ZNF704: variants seen among roughly 807,000 people sequenced by gnomAD.
ZNF704 encodes zinc finger protein 704, also known as glucocorticoid induced gene 1.
In ZNF704, 10 loss-of-function variants were observed where a neutral mutation model predicts 44.7. That is an observed-to-expected ratio of 0.22 (90% CI 0.14 to 0.38). The LOEUF (loss-of-function observed/expected upper bound fraction) is 0.38. Among genes scored for constraint, ZNF704 ranks in the 10% least tolerant of loss-of-function variants. The probability of loss-of-function intolerance (pLI) is 1.00; values close to 1 mark genes in which losing one functional copy is unlikely to be tolerated. For synonymous variants in ZNF704, 211 were observed against 207.6 expected, an observed-to-expected ratio of 1.02 and a Z score of -0.14; for missense variants, 390 against 545.5, an observed-to-expected ratio of 0.71 and a Z score of 2.84.
At chr8:80,771,337 A>G (rs1210801494) in intron 2 of ZNF704, among the ~76,000 whole-genome samples, 1 of 152,156 alleles carries the variant, frequency 6.6e-6, no homozygotes, top group Non-Finnish European at 1.5e-5. Flanking sequence ...ATCCATAAAC[A>G]TGGTATGTCT....
chr8:80,840,039 G>A (rs138829472), intron 1 of ZNF704, among the ~76,000 whole-genome samples: 325 of 152,294 alleles, frequency 2.1e-3, no homozygotes, highest in Admixed American at 4.3e-3. Context: ...CCAGGCACCT[G>A]CTATATTTTT....
chr8:80,855,554 T>A (rs1054870322), intron 1 of ZNF704, among the ~76,000 whole-genome samples: 22 of 152,084 alleles, frequency 1.4e-4, no homozygotes, highest in African/African-American at 5.1e-4. Context: ...CACTTATAAG[T>A]GAGAGCTAAA....
intron 2 of ZNF704, among the ~76,000 whole-genome samples, chr8:80,738,566 CAG>C (rs993741849): frequency 2.1e-5 from 3 of 144,410 alleles, no homozygotes; most frequent in African/African-American, 8.7e-5. Flanking sequence ...GGTTTGACTC[CAG>C]AGTCTTTTTT....
chr8:80,836,672 C>A (rs1457294607), intron 1 of ZNF704, among the ~76,000 whole-genome samples: 1 of 152,058 alleles, frequency 6.6e-6, no homozygotes, highest in Admixed American at 6.5e-5. Context: ...TTAGTCCCAG[C>A]TACTCGGGAG....
At chr8:80,718,827 T>C (rs1819115994) in intron 2 of ZNF704, among the ~76,000 whole-genome samples, 1 of 152,228 alleles carries the variant, frequency 6.6e-6, no homozygotes, top group African/African-American at 2.4e-5. Flanking sequence ...TACAGTTTTG[T>C]ATTTTAGTTT....
chr8:80,755,128 T>C (rs1429028910), intron 2 of ZNF704, among the ~76,000 whole-genome samples: 1 of 152,134 alleles, frequency 6.6e-6, no homozygotes, highest in Non-Finnish European at 1.5e-5. Context: ...ACTTCCAGGA[T>C]ATATCCAGGA....
chr8:80,828,591 A>T (rs1422959236), intron 1 of ZNF704, among the ~76,000 whole-genome samples: 1 of 152,194 alleles, frequency 6.6e-6, no homozygotes, highest in Non-Finnish European at 1.5e-5. Flanking sequence ...TCTCCCATTT[A>T]AATAGAATAC....
intron 7 of ZNF704, 67 bp from the exon 8 acceptor site, chr8:80,643,196 GCTGTGTGGACA>G (rs1441211209): frequency 7.5e-6 from 9 of 1,200,012 alleles, no homozygotes; most frequent in Non-Finnish European, 9.5e-6. Context: ...GTTAACCTTT[GCTGTGTGGACA>G]CTGATCCTTG....
At chr8:80,642,482 C>A (rs1817759485) in intron 8 of ZNF704, among the ~76,000 whole-genome samples, 1 of 152,084 alleles carries the variant, frequency 6.6e-6, no homozygotes, top group African/African-American at 2.4e-5. Flanking sequence ...AAAGGGATAA[C>A]ATACATCGCA....
At chr8:80,701,265 G>A (rs1166768058) in intron 2 of ZNF704, among the ~76,000 whole-genome samples, 1 of 151,936 alleles carries the variant, frequency 6.6e-6, no homozygotes, top group African/African-American at 2.4e-5. Context: ...GCCTCAGCAG[G>A]CCCTTCACCC....
intron 2 of ZNF704, among the ~76,000 whole-genome samples, chr8:80,779,788 CT>C (rs1306058807): frequency 1.3e-5 from 2 of 151,684 alleles, no homozygotes; most frequent in African/African-American, 2.4e-5. Flanking sequence ...GGATAACCGT[CT>C]TTTTTAAAAG....
intron 8 of ZNF704, among the ~76,000 whole-genome samples, chr8:80,641,945 C>T (rs1817751406): frequency 1.3e-5 from 2 of 152,212 alleles, no homozygotes; most frequent in South Asian, 4.1e-4. Flanking sequence ...TTCTATTTGT[C>T]TACTTGTGGA....
rs544968315 is a variant in ZNF704, at chr8:80,664,668, T to C, written c.927+147A>G. On this transcript the variant is annotated intron_variant, in intron 6 of 8. Transcript: ENST00000327835. The stretch of plus-strand genomic sequence containing the variant: ...ATAGGACCCTATCTGTGTGAGATCT[T>C]AGGCTTTAAAGGGAGAAAAATCAAA... The C allele has an allele frequency of 3.8e-5, 36 of 946,228 alleles. No homozygotes were observed. In the South Asian group the frequency reaches 5.3e-4, roughly 14 times the overall value. The allele number at this position is 946,228 out of a possible 1,614,324, so 58.6% of individuals were successfully genotyped here. A position where few individuals can be genotyped will look rare whatever the true frequency, so the allele number is the denominator to read the frequency against.
chr8:80,853,122 T>C (rs142479241), intron 1 of ZNF704, among the ~76,000 whole-genome samples: 13 of 152,276 alleles, frequency 8.5e-5, no homozygotes, highest in East Asian at 5.8e-4. Context: ...CCCCAACACG[T>C]TGGGAAGCTG....
chr8:80,827,301 T>C (rs1373873018), intron 1 of ZNF704, among the ~76,000 whole-genome samples: 1 of 152,146 alleles, frequency 6.6e-6, no homozygotes, highest in African/African-American at 2.4e-5. Flanking sequence ...AGCCAAATCA[T>C]GAGTGAATTC....
At position 80,848,502 on chromosome 8, in the gene ZNF704, C is replaced by T. The variant is rs113797374; in HGVS notation, c.-22+26069G>A. On this transcript the variant is annotated intron_variant, in intron 1 of 8. Coordinates refer to ENST00000327835, the MANE Select transcript of ZNF704 (RefSeq NM_001033723.3). Reference sequence around the variant, plus strand: ...CAGGTGAAGGATGAACAGGATCCTTCTGTATTATTTCTTACAATTGCAGGT... The same window carrying T: ...CAGGTGAAGGATGAACAGGATCCTTTTGTATTATTTCTTACAATTGCAGGT... 8.1e-3 allele frequency among the ~76,000 whole-genome samples: 1,236 copies of T among 152,272 alleles called. 15 individuals carry two copies. The highest frequency in any genetic ancestry group is 0.028 in the African/African-American group (1,146 of 41,550).
intron 2 of ZNF704, among the ~76,000 whole-genome samples, chr8:80,714,124 C>T (rs989751091): frequency 3.9e-5 from 6 of 152,252 alleles, no homozygotes; most frequent in African/African-American, 1.4e-4. Context: ...ATTTGTAGAG[C>T]CAAATCAGAG....
intron 2 of ZNF704, among the ~76,000 whole-genome samples, chr8:80,789,798 C>T (rs1022148945): frequency 2.0e-5 from 3 of 151,974 alleles, no homozygotes; most frequent in African/African-American, 7.2e-5. Flanking sequence ...TCAACTTCAA[C>T]AATAAGCAAT....
At chr8:80,854,671 C>G (rs1808927689) in intron 1 of ZNF704, among the ~76,000 whole-genome samples, 1 of 151,816 alleles carries the variant, frequency 6.6e-6, no homozygotes, top group Non-Finnish European at 1.5e-5. Context: ...ACAACAGAAA[C>G]AAAAAAGAGG....
Sources: gnomAD v4.1 joint callset for allele counts (sites outside exome capture counted in the v4.1 genomes callset) on GRCh38, gnomAD v4.1.1 for gene constraint, MANE v1.5 for transcripts, NCBI Gene and HGNC (gene_info 2026-07-23, HGNC 2026-07-21) for gene names.